Variants in CSF2RA observed in about 807,000 individuals in gnomAD.
The protein encoded by CSF2RA is colony stimulating factor 2 receptor subunit alpha.
CSF2RA carries 42 observed loss-of-function variants against 51.6 expected under a neutral mutation model. That is an observed-to-expected ratio of 0.81 (90% CI 0.64 to 1.05). The LOEUF (loss-of-function observed/expected upper bound fraction) is 1.05, where lower values mean the gene tolerates loss of function less well. Among genes scored for constraint, CSF2RA ranks in the 50% least tolerant of loss-of-function variants. The pLI is 0.00. For synonymous variants in CSF2RA, 222 were observed against 193.0 expected (o/e 1.15, Z -1.24); for missense variants, 530 against 501.1 (o/e 1.06, Z -0.55).
chrX:1,290,204 T>C (rs1342106025), intron 6 of CSF2RA, 133 bp from the exon 7 acceptor site: 2 of 742,836 alleles, frequency 2.7e-6, no homozygotes, highest in Non-Finnish European at 4.5e-6. Flanking sequence ...TTTTTTTTGT[T>C]TTGTGTTTTT....
At chrX:1,283,256 C>G (rs1177804255) in intron 3 of CSF2RA, among the ~76,000 whole-genome samples, 1 of 142,282 alleles carries the variant, frequency 7.0e-6, no homozygotes, top group Non-Finnish European at 1.5e-5. Context: ...TCTCTCCTTC[C>G]TTCCATCCTT....
chrX:1,283,713 G>T (rs1242172136), intron 3 of CSF2RA, among the ~76,000 whole-genome samples: 1 of 151,474 alleles, frequency 6.6e-6, no homozygotes, highest in Admixed American at 6.6e-5. Context: ...GATTACAGGC[G>T]CCTGCCACCA....
intron 2 of CSF2RA, among the ~76,000 whole-genome samples, chrX:1,281,079 T>TCC (rs1556504489): frequency 5.9e-5 from 4 of 68,324 alleles, no homozygotes; most frequent in African/African-American, 3.0e-4. Flanking sequence ...CTCCTCCTCC[T>TCC]CCTTCTCCTC....
chrX:1,322,630 C>T, the CSF2RA span, among the ~76,000 whole-genome samples: 8 of 151,620 alleles, frequency 5.3e-5, no homozygotes, highest in Non-Finnish European at 4.4e-5. Context: ...GGAGGAGCCA[C>T]GGTTCTCCTG....
chrX:1,314,549 ACTGCACCTGCCCAATCC>A (rs2084412682), downstream of CSF2RA, among the ~76,000 whole-genome samples: 1 of 102,840 alleles, frequency 9.7e-6, no homozygotes, highest in African/African-American at 4.2e-5. Flanking sequence ...GCCCAATCCC[ACTGCACCTGCCCAATCC>A]CACTGCACCT....
At chrX:1,283,147 CTTCCTTCG>C (rs1467990977) in intron 3 of CSF2RA, among the ~76,000 whole-genome samples, 7 of 81,512 alleles carry the variant, frequency 8.6e-5, no homozygotes, top group East Asian at 5.3e-4. Flanking sequence ...TCCTTCCTTC[CTTCCTTCG>C]TTCCTTCCTT....
the CSF2RA span, among the ~76,000 whole-genome samples, chrX:1,318,017 C>T: frequency 6.7e-6 from 1 of 148,234 alleles, no homozygotes; most frequent in African/African-American, 2.5e-5. Flanking sequence ...GAGACAGAGT[C>T]TCACTGTGTC....
At chrX:1,324,588 GAGAA>G in the CSF2RA span, among the ~76,000 whole-genome samples, 32 of 150,970 alleles carry the variant, frequency 2.1e-4, no homozygotes, top group Non-Finnish European at 4.6e-4. Context: ...AAGAAAGAAA[GAGAA>G]AGAGAGAAAG....
At chrX:1,319,935 C>G in the CSF2RA span, among the ~76,000 whole-genome samples, 3,651 of 148,930 alleles carry the variant, frequency 0.025, 151 homozygotes, top group African/African-American at 0.049. Flanking sequence ...TCGCTCTGTC[C>G]CCCAGGCCAG....
rs757955687 is a variant in CSF2RA, at chrX:1,286,683, G to A, written c.219+763G>A. Among the ~76,000 whole-genome samples, 884 of 152,262 alleles carry A rather than the reference G, an allele frequency of 5.8e-3. 4 individuals carry two copies. Among genetic ancestry groups the A allele is most frequent in the Non-Finnish European group, 0.01 (704 of 68,006 alleles). On this transcript the variant is annotated intron_variant, in intron 4 of 12. Transcript: ENST00000381529. ...TCACAGCCATAATCTCACGGGAACC[G>A]GGAAAGTGCTGTTAGCTCATGTCCA...
chrX:1,321,405 C>G, the CSF2RA span, among the ~76,000 whole-genome samples: 1 of 151,782 alleles, frequency 6.6e-6, no homozygotes, highest in Non-Finnish European at 1.5e-5. Context: ...GGAGGCGGAG[C>G]TTGCAGTGAG....
rs770517226 is a variant in CSF2RA at position 1,305,543 on chromosome X, C to T, written c.1125+16C>T. On this transcript the variant is annotated intron_variant, in intron 12 of 12. Transcript: ENST00000381529. Reference sequence around the variant, plus strand: ...GGAAGACGAGGTAGGCAGGGGTGGGCGGAGCAGTGACCTGGGATGGAAGGT... The same window carrying T: ...GGAAGACGAGGTAGGCAGGGGTGGGTGGAGCAGTGACCTGGGATGGAAGGT... 17 of 1,613,730 alleles carry T rather than the reference C, an allele frequency of 1.1e-5. No individual in the cohort carries two copies. The highest frequency in any genetic ancestry group is 4.5e-5 in the East Asian group (2 of 44,882).
At chrX:1,274,677 G>A in intron 1 of CSF2RA, 78 bp from the exon 2 acceptor site, 1 of 448,868 alleles carries the variant, frequency 2.2e-6, no homozygotes, top group South Asian at 1.6e-5. Context: ...AATAAAATGC[G>A]AGGCAGGTTT....
intron 2 of CSF2RA, 65 bp from the exon 3 acceptor site, chrX:1,282,613 G>A (rs2090179762): frequency 1.7e-6 from 2 of 1,190,558 alleles, no homozygotes; most frequent in East Asian, 2.3e-5. Context: ...CCTCCCTGGG[G>A]TCCCCTGCCA....
At chrX:1,322,771 C>G in the CSF2RA span, among the ~76,000 whole-genome samples, 2 of 151,948 alleles carry the variant, frequency 1.3e-5, no homozygotes, top group African/African-American at 2.4e-5. Flanking sequence ...ACATTTATGT[C>G]CACGTTAACC....
intron 12 of CSF2RA, 145 bp downstream of exon 12, chrX:1,305,672 C>G: frequency 3.8e-6 from 6 of 1,592,498 alleles, no homozygotes; most frequent in Non-Finnish European, 5.1e-6. Flanking sequence ...ATCTGTATCC[C>G]ACTCCTGGGC....
chrX:1,295,751 G>C (rs746571021), intron 9 of CSF2RA, among the ~76,000 whole-genome samples: 3 of 149,140 alleles, frequency 2.0e-5, no homozygotes, highest in Admixed American at 1.3e-4. Flanking sequence ...CAGAGACCCA[G>C]TATAGACAGG....
downstream of CSF2RA, among the ~76,000 whole-genome samples, chrX:1,313,391 G>A (rs1254230157): frequency 6.6e-6 from 1 of 151,950 alleles, no homozygotes; most frequent in Non-Finnish European, 1.5e-5. Context: ...CCAAGATCAC[G>A]CCACTGCACT....
intron 7 of CSF2RA, among the ~76,000 whole-genome samples, chrX:1,292,707 T>A (rs1253677459): frequency 6.6e-6 from 1 of 152,126 alleles, no homozygotes; most frequent in Non-Finnish European, 1.5e-5. Context: ...ACAGGGCGGT[T>A]TTCTCCTGTC....
Sources: allele counts gnomAD v4.1 joint callset (sites outside exome capture counted in the v4.1 genomes callset), GRCh38; gene constraint gnomAD v4.1.1; transcripts MANE v1.5; gene names NCBI Gene and HGNC (gene_info 2026-07-23, HGNC 2026-07-21).